NUMA1: variants seen among roughly 807,000 people sequenced by gnomAD.
NUMA1 encodes the protein nuclear mitotic apparatus protein 1.
A neutral mutation model predicts 237.1 loss-of-function variants in NUMA1; 62 were observed. The ratio of observed to expected loss-of-function variants is 0.26; its 90% CI spans 0.21 to 0.32. The LOEUF is 0.32. Among genes scored for constraint, NUMA1 ranks in the 10% least tolerant of loss-of-function variants. NUMA1 has a pLI of 1.00. For missense variants in NUMA1, 2,533 were observed against 2,666.5 expected (o/e 0.95, Z 1.10); for synonymous variants, 1,028 against 1,066.1 (o/e 0.96, Z 0.70).
In NUMA1 at chr11:72,007,327, G is replaced by A. The variant is rs200576707; in HGVS notation, c.5325C>T (p.Phe1775=). ...PKVESLESLY[F]TPIPARSQAP... The stretch of plus-strand genomic sequence containing the variant: ...CCTGACTCCGAGCAGGGATGGGAGT[G>A]AAGTAGAGACTCTCCAGGGATTCTA... The change falls in exon 21 of 27, where the codon TTC becomes TTT. Residue 1775 remains phenylalanine (F), a synonymous_variant. Transcript: ENST00000393695. 151 of 1,613,570 alleles carry A rather than the reference G, an allele frequency of 9.4e-5. No homozygotes were observed. The highest frequency in any genetic ancestry group is 1.1e-4 in the Non-Finnish European group (135 of 1,179,828).
intron 2 of NUMA1, chr11:72,050,542 AG>A (rs1942279071): frequency 6.6e-6 from 1 of 152,250 alleles, no homozygotes; most frequent in Non-Finnish European, 1.5e-5. Context: ...AACAAACTTC[AG>A]GATTTTTAAG....
At chr11:72,016,952 A>C in intron 13 of NUMA1, 1 of 171,416 alleles carries the variant, frequency 5.8e-6, no homozygotes, top group Non-Finnish European at 1.2e-5. Flanking sequence ...CACCTACAAT[A>C]GGCTATGCTG....
chr11:72,021,554 T>C (rs1938830651), intron 7 of NUMA1, among the ~76,000 whole-genome samples: 1 of 152,176 alleles, frequency 6.6e-6, no homozygotes, highest in Non-Finnish European at 1.5e-5. Context: ...ACTTAACTCC[T>C]GACCACAAGT....
chr11:72,012,820 C>G, intron 15 of NUMA1, 75 bp downstream of exon 15: 1 of 1,554,956 alleles, frequency 6.4e-7, no homozygotes, highest in South Asian at 1.2e-5. Context: ...GCTAGAGGCC[C>G]TGGACACAGA....
intron 1 of NUMA1, among the ~76,000 whole-genome samples, chr11:72,071,424 C>T (rs1943445948): frequency 6.6e-6 from 1 of 152,042 alleles, no homozygotes; most frequent in South Asian, 2.1e-4. Flanking sequence ...CAGACAAATG[C>T]TATGAAAGAC....
intron 2 of NUMA1, among the ~76,000 whole-genome samples, chr11:72,050,443 T>G (rs1942274355): frequency 6.6e-6 from 1 of 152,212 alleles, no homozygotes. Flanking sequence ...CTTGTCAATA[T>G]GTTACTAATA....
Position 72,004,298 on chromosome 11 carries a change from C to T in NUMA1, c.6050G>A (p.Arg2017Gln), listed in dbSNP as rs200315034. ...CTGTTTGCGCCCTTCATGTCGGTCTCGGGGAGTCATGGGGCGTGGGAAACA... is the reference window on the plus strand; with the variant it reads ...CTGTTTGCGCCCTTCATGTCGGTCTTGGGGAGTCATGGGGCGTGGGAAACA... Reference protein sequence around the residue: ...TSCFPRPMTPRDRHEGRKQST... With the variant: ...TSCFPRPMTPQDRHEGRKQST... Residue 2017 changes from arginine to glutamine, a missense_variant, in exon 25 of 27, where the codon CGA (arginine) becomes CAA (glutamine). This residue lies in a region of NUMA1 where 795 missense variants were observed against 750.8 expected (regional missense o/e 1.06). Transcript: ENST00000393695. 30 of 1,613,244 alleles carry T rather than the reference C, an allele frequency of 1.9e-5. No homozygotes were observed. Among genetic ancestry groups the T allele is most frequent in the Middle Eastern group, 1.6e-4 (1 of 6,068 alleles).
At chr11:72,067,836 C>A (rs1368602880) in intron 2 of NUMA1, 1 of 152,176 alleles carries the variant, frequency 6.6e-6, no homozygotes, top group African/African-American at 2.4e-5. Flanking sequence ...AATCTTTTGA[C>A]CAGGCTGTCT....
intron 2 of NUMA1, among the ~76,000 whole-genome samples, chr11:72,044,605 G>A (rs12293529): frequency 5.5e-4 from 83 of 151,306 alleles, no homozygotes; most frequent in African/African-American, 1.9e-3. Flanking sequence ...GTTACTTTGG[G>A]GGGGGGGAGG....
intron 4 of NUMA1, among the ~76,000 whole-genome samples, chr11:72,027,509 A>G (rs1377720953): frequency 6.6e-6 from 1 of 152,014 alleles, no homozygotes; most frequent in African/African-American, 2.4e-5. Context: ...CCGTACCATA[A>G]TAATGCAATT....
At chr11:72,023,229 C>T in intron 5 of NUMA1, 82 bp from the exon 6 acceptor site, 1 of 1,009,424 alleles carries the variant, frequency 9.9e-7, no homozygotes, top group Non-Finnish European at 1.6e-6. Context: ...ATCTGGGGAG[C>T]AGAATGGCTA....
chr11:72,058,103 G>A (rs1164305020), intron 2 of NUMA1, among the ~76,000 whole-genome samples: 2 of 151,978 alleles, frequency 1.3e-5, no homozygotes, highest in Non-Finnish European at 1.5e-5. Context: ...TAATTAAGAT[G>A]AAACGATGTT....
chr11:72,021,302 G>A lies in NUMA1; in HGVS notation c.373-11C>T, dbSNP rs1419458576. ...GACAGCCAACTCAGCCTGGGCCACA[G>A]GGAGAAAAAGAGCATCACTTAGGTG... On this transcript the variant is annotated splice_polypyrimidine_tract_variant and intron_variant, in intron 7 of 26. Transcript: ENST00000393695. 3 of 1,613,088 alleles carry A rather than the reference G, an allele frequency of 1.9e-6. No homozygotes were observed. Among genetic ancestry groups the A allele is most frequent in the African/African-American group, 2.7e-5 (2 of 74,918 alleles).
Position 72,014,426 on chromosome 11 carries a change from G to A in NUMA1, c.3077C>T (p.Ala1026Val). 1 of 1,607,942 alleles carries A rather than the reference G, an allele frequency of 6.2e-7. No individual in the cohort carries two copies. ...AQADLALEKA[A>V]RAELEMRLQN... Reference sequence around the variant, plus strand: ...CAGCCGCATCTCAAGCTCTGCTCTGGCCGCCTTCTCCAGGGCAAGGTCAGC... The same window carrying A: ...CAGCCGCATCTCAAGCTCTGCTCTGACCGCCTTCTCCAGGGCAAGGTCAGC... The change falls in exon 15 of 27, where the codon GCC becomes GTC. Residue 1026 changes from alanine to valine, a missense_variant. By Grantham distance (64) the Ala-to-Val change is moderately conservative. Coordinates refer to ENST00000393695, the MANE Select transcript of NUMA1 (RefSeq NM_006185.4). The surrounding 1 kb of genome is among the most constrained non-coding windows in gnomAD (Gnocchi z 4.6).
At chr11:72,046,259 G>A (rs1941990153) in intron 2 of NUMA1, among the ~76,000 whole-genome samples, 2 of 152,166 alleles carry the variant, frequency 1.3e-5, no homozygotes, top group South Asian at 4.1e-4. Context: ...TAGAAAAAGA[G>A]AAGGGCCGGG....
At chr11:72,039,699 C>G (rs1259401065) in intron 2 of NUMA1, 1 of 152,334 alleles carries the variant, frequency 6.6e-6, no homozygotes, top group Non-Finnish European at 1.5e-5. Flanking sequence ...CCCATCTGTG[C>G]GCCAGTGCTC....
At chr11:72,005,434 C>A in intron 22 of NUMA1, 65 bp from the exon 23 acceptor site, 1 of 1,537,172 alleles carries the variant, frequency 6.5e-7, no homozygotes. Flanking sequence ...CTGGCCCTGG[C>A]ATCTTGCCAG....
chr11:72,015,976 T>C lies in NUMA1; in HGVS notation c.1527A>G (p.Thr509=), dbSNP rs755990864. Residue 509 remains threonine, a synonymous_variant, in exon 15 of 27, where the codon ACA becomes ACG. Transcript: ENST00000393695. The surrounding 1 kb of genome is among the most constrained non-coding windows in gnomAD (Gnocchi z 4.0). ...QVASLTSELT[T]LNATIQQQDQ... is the part of the protein sequence containing the mutation. ...CCTGTTGCTGGATGGTGGCATTGAG[T>C]GTGGTGAGCTCAGAGGTCAGAGAGG... is the stretch of plus-strand genomic sequence containing the variant. 1.9e-6 allele frequency: 3 copies of C among 1,613,896 alleles called. No individual in the cohort carries two copies. The highest frequency in any genetic ancestry group is 2.2e-5 in the South Asian group (2 of 91,072).
At position 72,003,696 on chromosome 11, in the gene NUMA1, G is replaced by A. The variant is rs5743683; in HGVS notation, c.6337-158C>T. 5,839 of 1,061,594 alleles carry A rather than the reference G, an allele frequency of 5.5e-3. 207 individuals carry two copies. The African/African-American group carries it at 0.081, about 15-fold the overall frequency. 65.8% of individuals were successfully genotyped at this position (1,061,594 alleles called of 1,614,324 possible). ...TGCTGGCTGTGCCTGAGCAGCTCTG[G>A]GTGCTCTCCATGAGAATGGGGCCAT... On this transcript the variant is annotated intron_variant, in intron 26 of 26. Coordinates refer to ENST00000393695, the MANE Select transcript of NUMA1 (RefSeq NM_006185.4).
Sources: allele counts gnomAD v4.1 joint callset (sites outside exome capture counted in the v4.1 genomes callset), GRCh38; gene constraint gnomAD v4.1.1; regional missense constraint gnomAD v4.1.1; non-coding constraint Gnocchi (gnomAD v3.1); transcripts MANE v1.5; gene names NCBI Gene and HGNC (gene_info 2026-07-23, HGNC 2026-07-21).